Variants in ADH7 observed in about 807,000 individuals in gnomAD.
The protein encoded by ADH7 is alcohol dehydrogenase 7 (class IV), mu or sigma polypeptide, also known as all-trans-retinol dehydrogenase [NAD(+)] ADH7.
A neutral mutation model predicts 34.4 loss-of-function variants in ADH7; 41 were observed. The observed-to-expected ratio is 1.19, with a 90% confidence interval of 0.93 to 1.55. The LOEUF (loss-of-function observed/expected upper bound fraction) is 1.55, where lower values mean the gene tolerates loss of function less well. Ranked by LOEUF, ADH7 falls within the 40% of genes most tolerant of loss-of-function variation. The pLI is 0.00. For synonymous variants in ADH7, 180 were observed against 160.9 expected (o/e 1.12, Z -0.90); for missense variants, 540 against 461.2 (o/e 1.17, Z -1.56).
Position 99,427,716 on chromosome 4 carries a change from C to A in ADH7, c.564+57G>T, listed in dbSNP as rs1257892945. Reference sequence around the variant, plus strand: ...TTCCAAAACTCTTCAAGATTCCAAGCAAATCATTTAAGAAAAGGAAAGAAG... The same window carrying A: ...TTCCAAAACTCTTCAAGATTCCAAGAAAATCATTTAAGAAAAGGAAAGAAG... On this transcript the variant is annotated intron_variant, in intron 5 of 8. Transcript: ENST00000437033. 7 of 1,248,514 alleles carry A rather than the reference C, an allele frequency of 5.6e-6. No individual in the cohort carries two copies. The African/African-American group carries it at 7.7e-5, about 14-fold the overall frequency. The allele number at this position is 1,248,514 out of a possible 1,614,324, so 77.3% of individuals were successfully genotyped here.
intron 5 of ADH7, among the ~76,000 whole-genome samples, chr4:99,422,004 C>T (rs746275831): frequency 9.9e-5 from 15 of 152,020 alleles, no homozygotes; most frequent in East Asian, 1.9e-4. Context: ...AGGAAACAAT[C>T]GATGCTCGTG....
chr4:99,428,045 GA>G lies in ADH7; in HGVS notation c.347+41del, dbSNP rs759155150. ...TAATTCAATTCAAAAATTAGCATAG[GA>G]AAAATGTAAATACATTAAAGTAAAA... On this transcript the variant is annotated intron_variant, in intron 4 of 8. Coordinates refer to ENST00000437033, the MANE Select transcript of ADH7 (RefSeq NM_000673.7). The G allele has an allele frequency of 1.6e-4, 256 of 1,612,610 alleles. 1 individual carries two copies. Among genetic ancestry groups the G allele is most frequent in the Non-Finnish European group, 2.1e-4 (247 of 1,178,914 alleles).
intron 5 of ADH7, among the ~76,000 whole-genome samples, chr4:99,421,166 G>A (rs537508658): frequency 6.6e-6 from 1 of 152,026 alleles, no homozygotes; most frequent in African/African-American, 2.4e-5. Flanking sequence ...ATTTCATCTA[G>A]AACCAAAAAA....
intron 7 of ADH7, among the ~76,000 whole-genome samples, chr4:99,417,590 C>T (rs552850789): frequency 6.6e-6 from 1 of 152,194 alleles, no homozygotes; most frequent in East Asian, 1.9e-4. Flanking sequence ...ATGGTATATT[C>T]TGCATTCATT....
intron 1 of ADH7, among the ~76,000 whole-genome samples, chr4:99,431,718 A>G (rs944991967): frequency 6.6e-6 from 1 of 152,218 alleles, no homozygotes; most frequent in Non-Finnish European, 1.5e-5. Flanking sequence ...GCATATGAAA[A>G]AATACTCAAC....
intron 4 of ADH7, 40 bp downstream of exon 4, chr4:99,428,047 A>C (rs75076500): frequency 0.06 from 97,059 of 1,612,834 alleles, 3,611 homozygotes; most frequent in Middle Eastern, 0.12. Flanking sequence ...TAGCATAGGA[A>C]AAATGTAAAT....
intron 2 of ADH7, 39 bp from the exon 3 acceptor site, chr4:99,428,669 C>T: frequency 6.3e-7 from 1 of 1,591,276 alleles, no homozygotes; most frequent in Non-Finnish European, 8.5e-7. Context: ...AATCAACAAA[C>T]TGATCATTTC....
At position 99,414,797 on chromosome 4, in the gene ADH7, A is replaced by G. The variant is rs57742750; in HGVS notation, c.1100+681T>C. Among the ~76,000 whole-genome samples, 1,420 of 152,308 alleles carry G rather than the reference A, an allele frequency of 9.3e-3. 19 individuals are homozygous for G. The highest frequency in any genetic ancestry group is 0.033 in the African/African-American group (1,359 of 41,552). ...AATGCACATTTGAGAAAGCACTTTG[A>G]AAACTGTAAAATAAGGAAATTTTGT... On this transcript the variant is annotated intron_variant, in intron 8 of 8. Coordinates refer to ENST00000437033, the MANE Select transcript of ADH7 (RefSeq NM_000673.7).
chr4:99,419,251 A>T (rs1721594102), intron 6 of ADH7, 130 bp from the exon 7 acceptor site: 2 of 1,208,278 alleles, frequency 1.7e-6, no homozygotes, highest in African/African-American at 1.5e-5. Flanking sequence ...TACTTGCTTT[A>T]AAAAAATTTC....
chr4:99,424,093 A>G (rs1434879274), intron 5 of ADH7, among the ~76,000 whole-genome samples: 1 of 152,096 alleles, frequency 6.6e-6, no homozygotes, highest in Non-Finnish European at 1.5e-5. Context: ...AGCTTTCTAC[A>G]TATGGCTAGC....
intron 2 of ADH7, 57 bp from the exon 3 acceptor site, chr4:99,428,687 G>C: frequency 6.4e-7 from 1 of 1,551,768 alleles, no homozygotes; most frequent in Non-Finnish European, 8.7e-7. Context: ...TTCACTGTTG[G>C]GAGAATATTT....
At chr4:99,413,699 A>G (rs976907384) in intron 8 of ADH7, among the ~76,000 whole-genome samples, 4 of 152,232 alleles carry the variant, frequency 2.6e-5, no homozygotes, top group Non-Finnish European at 4.4e-5. Flanking sequence ...GACTAACTGG[A>G]ATGTATTTTA....
chr4:99,422,343 G>T (rs945827181), intron 5 of ADH7, among the ~76,000 whole-genome samples: 2 of 152,214 alleles, frequency 1.3e-5, no homozygotes, highest in African/African-American at 4.8e-5. Flanking sequence ...ATGAGATCAT[G>T]TCCTTTGCAG....
intron 5 of ADH7, among the ~76,000 whole-genome samples, chr4:99,423,034 C>G (rs1425240128): frequency 9.7e-6 from 1 of 103,434 alleles, no homozygotes; most frequent in Admixed American, 1.1e-4. Flanking sequence ...CCCCTCCCCC[C>G]ACCCCACAAC....
At chr4:99,420,912 G>A in intron 5 of ADH7, 119 bp from the exon 6 acceptor site, 1 of 905,114 alleles carries the variant, frequency 1.1e-6, no homozygotes, top group Admixed American at 2.7e-5. Context: ...TTGCTACAAA[G>A]AGAATAAAAT....
Position 99,415,596 on chromosome 4 carries a change from C to A in ADH7, c.982G>T (p.Val328Phe). 1.9e-6 allele frequency: 3 copies of A among 1,613,376 alleles called. No individual in the cohort carries two copies. In the South Asian group the frequency reaches 3.3e-5, roughly 18 times the overall value. Residue 328 changes from valine (V) to phenylalanine (F), a missense_variant, in exon 8 of 9, where the codon GTC (valine) becomes TTC (phenylalanine). By Grantham distance (50) the Val-to-Phe change is conservative (BLOSUM62 -1). Coordinates refer to ENST00000437033, the MANE Select transcript of ADH7 (RefSeq NM_000673.7). ...VFGGLKSRDD[V>F]PKLVTEFLAK... ...AGGAACTCAGTCACTAGTTTTGGGA[C>A]ATCATCTCTGCTTTTCAAACCTGCA... is the stretch of plus-strand genomic sequence containing the variant.
chr4:99,422,503 G>A (rs369276965), intron 5 of ADH7, among the ~76,000 whole-genome samples: 1 of 152,090 alleles, frequency 6.6e-6, no homozygotes, highest in Non-Finnish European at 1.5e-5. Flanking sequence ...GGGCCTGTTA[G>A]GAGGTGGGGG....
At chr4:99,414,278 C>G (rs1397652420) in intron 8 of ADH7, among the ~76,000 whole-genome samples, 1 of 151,740 alleles carries the variant, frequency 6.6e-6, no homozygotes, top group South Asian at 2.1e-4. Flanking sequence ...GTAGGCTAGA[C>G]CAAATGTGGA....
intron 2 of ADH7, 46 bp from the exon 3 acceptor site, chr4:99,428,676 T>A: frequency 6.3e-7 from 1 of 1,582,752 alleles, no homozygotes; most frequent in Admixed American, 1.9e-5. Context: ...AAACTGATCA[T>A]TTCACTGTTG....
Sources: gnomAD v4.1 joint callset for allele counts (sites outside exome capture counted in the v4.1 genomes callset) on GRCh38, gnomAD v4.1.1 for gene constraint, MANE v1.5 for transcripts, NCBI Gene and HGNC (gene_info 2026-07-23, HGNC 2026-07-21) for gene names.